SNX2: variants seen among roughly 807,000 people sequenced by gnomAD.
The protein encoded by SNX2 is sorting nexin-2.
Under a neutral mutation model 69.9 loss-of-function variants are expected in SNX2, and 25 were observed. That is an observed-to-expected ratio of 0.36 (90% CI 0.26 to 0.50). The LOEUF (loss-of-function observed/expected upper bound fraction) is 0.50. Among genes scored for constraint, SNX2 ranks in the 20% least tolerant of loss-of-function variants. SNX2 has a pLI of 0.97. For synonymous variants in SNX2, 229 were observed against 200.4 expected (o/e 1.14, Z -1.20); for missense variants, 551 against 613.3 (o/e 0.90, Z 1.07).
intron 11 of SNX2, among the ~76,000 whole-genome samples, chr5:122,819,307 A>G (rs963140952): frequency 1.3e-5 from 2 of 152,212 alleles, no homozygotes; most frequent in African/African-American, 2.4e-5. Flanking sequence ...AACTAATAGC[A>G]TTTGTTTGCT....
In SNX2 at chr5:122,815,925, C is replaced by T; in HGVS notation, c.752C>T (p.Thr251Ile). Residue 251 changes from threonine to isoleucine, a missense_variant, in exon 8 of 15, where the codon ACT (threonine) becomes ATT (isoleucine). Physicochemically the swap from Thr to Ile is moderately conservative, Grantham distance 89. Coordinates refer to ENST00000379516, the MANE Select transcript of SNX2 (RefSeq NM_003100.4). ...RYLQRTVKHPTLLQDPDLRQF... is the reference protein window; with the variant it reads ...RYLQRTVKHPILLQDPDLRQF... ...CTTCAAAGAACAGTAAAACATCCAA[C>T]TTTACTACAGGATCCTGATTTAAGG... 1.2e-6 allele frequency: 2 copies of T among 1,603,168 alleles called. No individual in the cohort carries two copies. The highest frequency in any genetic ancestry group is 1.7e-6 in the Non-Finnish European group (2 of 1,173,878).
intron 6 of SNX2, 46 bp from the exon 7 acceptor site, chr5:122,808,231 C>A: frequency 1.7e-6 from 2 of 1,189,650 alleles, no homozygotes; most frequent in Non-Finnish European, 2.4e-6. Context: ...GAAAGACTTT[C>A]ACAGCAATAT....
chr5:122,805,273 AG>A (rs1277882523), intron 6 of SNX2, among the ~76,000 whole-genome samples: 1 of 149,186 alleles, frequency 6.7e-6, no homozygotes, highest in East Asian at 2.0e-4. Context: ...GCTGGGCAGA[AG>A]AGCGAGACTC....
intron 6 of SNX2, among the ~76,000 whole-genome samples, chr5:122,807,784 C>T (rs1353897926): frequency 6.6e-6 from 1 of 152,114 alleles, no homozygotes; most frequent in African/African-American, 2.4e-5. Flanking sequence ...AGAACATGCT[C>T]TTAGAATCTG....
chr5:122,818,361 C>T (rs958653654), intron 10 of SNX2, among the ~76,000 whole-genome samples: 1 of 152,076 alleles, frequency 6.6e-6, no homozygotes, highest in African/African-American at 2.4e-5. Context: ...TATAATTTTA[C>T]CTTTGCTCCT....
At position 122,829,810 on chromosome 5, in the gene SNX2, A is replaced by ACT. The variant is rs1754244461; in HGVS notation, c.*165_*166dup. 7.5e-6 allele frequency: 4 copies of ACT among 531,626 alleles called. No homozygotes were observed. Among genetic ancestry groups the ACT allele is most frequent in the Non-Finnish European group, 1.0e-5 (3 of 293,660 alleles). 32.9% of individuals were successfully genotyped at this position (531,626 alleles called of 1,614,324 possible). ...CACACACACACACACACACACACACACTCTGACATTTTATTACAAGCTGCA... is the reference window on the plus strand; with the variant it reads ...CACACACACACACACACACACACACACTCTCTGACATTTTATTACAAGCTGCA... On this transcript the variant is annotated 3_prime_UTR_variant, in exon 15 of 15. Coordinates refer to ENST00000379516, the MANE Select transcript of SNX2 (RefSeq NM_003100.4).
At chr5:122,816,541 G>T (rs1018039323) in intron 8 of SNX2, among the ~76,000 whole-genome samples, 1 of 152,118 alleles carries the variant, frequency 6.6e-6, no homozygotes, top group African/African-American at 2.4e-5. Flanking sequence ...AGCATAAGGA[G>T]ATTTTTCTCA....
intron 1 of SNX2, among the ~76,000 whole-genome samples, chr5:122,781,130 A>C (rs145566820): frequency 5.9e-4 from 90 of 152,320 alleles, no homozygotes; most frequent in African/African-American, 1.9e-3. Flanking sequence ...TATTTTATGA[A>C]GTTGCTTGCG....
chr5:122,783,910 CTATT>C (rs36120832), intron 1 of SNX2, among the ~76,000 whole-genome samples: 60,582 of 151,380 alleles, frequency 0.4, 12,626 homozygotes, highest in African/African-American at 0.48. Flanking sequence ...CATAATCTCT[CTATT>C]TATTTAGTTA....
chr5:122,805,953 T>C (rs915110827), intron 6 of SNX2, among the ~76,000 whole-genome samples: 1 of 151,978 alleles, frequency 6.6e-6, no homozygotes, highest in Non-Finnish European at 1.5e-5. Context: ...GCTAATGTTT[T>C]GTATTTTTAG....
chr5:122,805,485 A>G (rs1414112022), intron 6 of SNX2, among the ~76,000 whole-genome samples: 2 of 152,044 alleles, frequency 1.3e-5, no homozygotes, highest in Admixed American at 6.5e-5. Context: ...TTATAAAGCA[A>G]TGTTATTGGT....
chr5:122,809,673 G>A (rs1753726439), intron 7 of SNX2, among the ~76,000 whole-genome samples: 1 of 151,782 alleles, frequency 6.6e-6, no homozygotes, highest in Non-Finnish European at 1.5e-5. Flanking sequence ...CAGGTCTTGG[G>A]GGTGGTATCT....
At chr5:122,817,147 C>A in intron 9 of SNX2, 119 bp downstream of exon 9, 2 of 1,122,368 alleles carry the variant, frequency 1.8e-6, no homozygotes, top group Non-Finnish European at 2.7e-6. Flanking sequence ...TAGTTCTCAG[C>A]CACATCAGTT....
intron 1 of SNX2, among the ~76,000 whole-genome samples, chr5:122,793,672 G>A (rs901581563): frequency 5.3e-5 from 8 of 152,168 alleles, no homozygotes; most frequent in African/African-American, 1.9e-4. Context: ...CACTTTGGGA[G>A]GCCAAGGCGG....
rs1044747450 is a variant in SNX2 at position 122,829,762 on chromosome 5, A to G, written c.*114A>G. On this transcript the variant is annotated 3_prime_UTR_variant, in exon 15 of 15. Transcript: ENST00000379516. ...AACCACTATATATTTTATGAATTAC[A>G]TGTGGTTTTATATACACACACACAC... The G allele has an allele frequency of 8.2e-6, 6 of 729,822 alleles. No individual in the cohort carries two copies. In the South Asian group the frequency reaches 9.5e-5, roughly 12 times the overall value. The allele number at this position is 729,822 out of a possible 1,614,324, so 45.2% of individuals were successfully genotyped here. A position where few individuals can be genotyped will look rare whatever the true frequency, so the allele number is the denominator to read the frequency against.
chr5:122,783,138 G>A (rs1753013604), intron 1 of SNX2, among the ~76,000 whole-genome samples: 2 of 149,968 alleles, frequency 1.3e-5, no homozygotes, highest in African/African-American at 4.9e-5. Flanking sequence ...GCAGAGACAA[G>A]GTTTCATAAT....
intron 7 of SNX2, among the ~76,000 whole-genome samples, chr5:122,811,041 T>C (rs1037771097): frequency 1.3e-5 from 2 of 149,692 alleles, no homozygotes; most frequent in African/African-American, 4.9e-5. Flanking sequence ...TGATATTTCT[T>C]AAACTTTAAA....
intron 3 of SNX2, among the ~76,000 whole-genome samples, chr5:122,801,190 AAATT>A (rs769922463): frequency 3.4e-4 from 52 of 152,266 alleles, no homozygotes; most frequent in Non-Finnish European, 6.2e-4. Flanking sequence ...GCTAGTATTA[AAATT>A]AATTAAGGAG....
chr5:122,775,513 ACGT>A (rs1752836805), intron 1 of SNX2: 12 of 1,094,058 alleles, frequency 1.1e-5, no homozygotes, highest in Non-Finnish European at 1.2e-5. Flanking sequence ...TGTCTCTTGC[ACGT>A]CCTCCTCTTC....
Sources: gnomAD v4.1 joint callset for allele counts (sites outside exome capture counted in the v4.1 genomes callset) on GRCh38, gnomAD v4.1.1 for gene constraint, MANE v1.5 for transcripts, NCBI Gene and HGNC (gene_info 2026-07-23, HGNC 2026-07-21) for gene names.